ATP1B1: variants seen among roughly 807,000 people sequenced by gnomAD.
The protein encoded by ATP1B1 is ATPase Na+/K+ transporting subunit beta 1.
ATP1B1 carries 3 observed loss-of-function variants against 39.6 expected under a neutral mutation model. That is an observed-to-expected ratio of 0.08 (90% confidence interval 0.03 to 0.20). The LOEUF is 0.20. Among genes scored for constraint, ATP1B1 ranks in the 10% least tolerant of loss-of-function variants. ATP1B1 has a pLI of 1.00. For synonymous variants in ATP1B1, 139 were observed against 135.0 expected (o/e 1.03, Z -0.20); for missense variants, 216 against 371.1 (o/e 0.58, Z 3.43).
intron 2 of ATP1B1, 126 bp from the exon 3 acceptor site, chr1:169,124,758 G>C: frequency 5.8e-6 from 6 of 1,039,342 alleles, no homozygotes; most frequent in Non-Finnish European, 8.4e-6. Context: ...ATTTAACAAG[G>C]GAGGCAAGAC....
chr1:169,123,638 T>TAGATAGATATATATCTATCTA (rs1376784173), intron 2 of ATP1B1, among the ~76,000 whole-genome samples: 6 of 136,888 alleles, frequency 4.4e-5, no homozygotes, highest in Non-Finnish European at 9.1e-5. Flanking sequence ...TATATATAGG[T>TAGATAGATATATATCTATCTA]TTTTTTTTTT....
chr1:169,113,068 ATTC>A (rs377076243), intron 2 of ATP1B1, among the ~76,000 whole-genome samples: 3,729 of 150,946 alleles, frequency 0.025, 157 homozygotes, highest in African/African-American at 0.086. Context: ...TGATTTTATA[ATTC>A]TTTTTTTTTT....
intron 2 of ATP1B1, among the ~76,000 whole-genome samples, chr1:169,123,585 C>A (rs12568462): frequency 0.42 from 57,888 of 137,754 alleles, 11,855 homozygotes; most frequent in Non-Finnish European, 0.5. Flanking sequence ...ATCTCTCTCT[C>A]TATATATATA....
At position 169,127,745 on chromosome 1, in the gene ATP1B1, C is replaced by T. The variant is rs114493393; in HGVS notation, c.567+337C>T. Among the ~76,000 whole-genome samples the T allele has an allele frequency of 3.2e-3, 483 of 151,152 alleles. 2 individuals carry two copies. Among genetic ancestry groups the T allele is most frequent in the African/African-American group, 8.1e-3 (332 of 41,082 alleles). ...TAAAAATGGAAAAATATATTTTTTC[C>T]CTGGTGGTCTAGTGGTTAGAGAAAA... On this transcript the variant is annotated intron_variant, in intron 4 of 5. Coordinates refer to ENST00000367815, the MANE Select transcript of ATP1B1 (RefSeq NM_001677.4).
At chr1:169,114,894 A>T (rs1657808411) in intron 2 of ATP1B1, among the ~76,000 whole-genome samples, 1 of 150,422 alleles carries the variant, frequency 6.6e-6, no homozygotes, top group Non-Finnish European at 1.5e-5. Context: ...GTCTCCTGTT[A>T]AAAAAAAAGG....
At chr1:169,110,288 T>C (rs765960872) in intron 1 of ATP1B1, among the ~76,000 whole-genome samples, 16 of 152,318 alleles carry the variant, frequency 1.1e-4, no homozygotes, top group Non-Finnish European at 1.9e-4. Flanking sequence ...TCAATAATAC[T>C]GTTTTTCAGT....
intron 2 of ATP1B1, among the ~76,000 whole-genome samples, chr1:169,116,461 CAGG>C (rs1657849448): frequency 6.6e-6 from 1 of 152,134 alleles, no homozygotes; most frequent in Admixed American, 6.6e-5. Context: ...CAGAATCGGG[CAGG>C]AGAAGTGGGG....
Position 169,111,386 on chromosome 1 carries a change from C to T in ATP1B1, c.114C>T (p.Phe38=). ...TTCTTGCAGTTAAGATCCTTCTATT[C>T]TACGTAATATTTTATGGCTGCCTGG... ...TGGSWFKILL[F]YVIFYGCLAG... is the part of the protein sequence containing the mutation. The change falls in exon 2 of 6, where the codon TTC becomes TTT. Residue 38 remains phenylalanine (F), a synonymous_variant. Coordinates refer to ENST00000367815, the MANE Select transcript of ATP1B1 (RefSeq NM_001677.4). 1 of 1,614,160 alleles carries T rather than the reference C, an allele frequency of 6.2e-7. No homozygotes were observed. The highest frequency in any genetic ancestry group is 8.5e-7 in the Non-Finnish European group (1 of 1,180,014).
chr1:169,127,879 C>A (rs1375523202), intron 4 of ATP1B1, among the ~76,000 whole-genome samples: 1 of 151,830 alleles, frequency 6.6e-6, no homozygotes, highest in African/African-American at 2.4e-5. Flanking sequence ...AGGAACATTT[C>A]AAAAAAATTG....
chr1:169,130,802 AAAAAATT>A, intron 5 of ATP1B1, among the ~76,000 whole-genome samples: 1 of 147,606 alleles, frequency 6.8e-6, no homozygotes, highest in South Asian at 2.2e-4. Flanking sequence ...AAAAAAAAAA[AAAAAATT>A]GAAAGACTAA....
In ATP1B1 at chr1:169,131,243, G is replaced by A; in HGVS notation, c.649-49G>A. ...TGAGTCTTGTTTTTGAGTACACATA[G>A]TGATGCATGATGTGAGCCATTAAAA... is the stretch of plus-strand genomic sequence containing the variant. On this transcript the variant is annotated intron_variant, in intron 5 of 5. Transcript: ENST00000367815. The surrounding 1 kb of genome is among the most constrained non-coding windows in gnomAD (Gnocchi z 4.4). 2.0e-6 allele frequency: 3 copies of A among 1,532,146 alleles called. No homozygotes were observed. Among genetic ancestry groups the A allele is most frequent in the Non-Finnish European group, 2.6e-6 (3 of 1,135,448 alleles). The allele number at this position is 1,532,146 out of a possible 1,614,324, so 94.9% of individuals were successfully genotyped here.
intron 1 of ATP1B1, among the ~76,000 whole-genome samples, chr1:169,107,489 G>A (rs1199264277): frequency 6.6e-6 from 1 of 152,148 alleles, no homozygotes; most frequent in Non-Finnish European, 1.5e-5. Context: ...GACCTCCCCT[G>A]GAGTCATCAC....
At chr1:169,122,656 TCTG>T (rs1658002971) in intron 2 of ATP1B1, among the ~76,000 whole-genome samples, 2 of 151,694 alleles carry the variant, frequency 1.3e-5, no homozygotes, top group Non-Finnish European at 2.9e-5. Flanking sequence ...ATGAGCAAAT[TCTG>T]CTACTTCCCC....
chr1:169,106,792 ACCCT>A lies in ATP1B1; in HGVS notation c.-35_-32del. 14 of 1,536,720 alleles carry A rather than the reference ACCCT, an allele frequency of 9.1e-6. No homozygotes were observed. Among genetic ancestry groups the A allele is most frequent in the Non-Finnish European group, 1.2e-5 (14 of 1,138,342 alleles). ...GCCAGGGCGCGCGCCGCAGCCACCCACCCTCCGGACCGCGGCAGCTGCTGACCCG... is the reference window on the plus strand; with the variant it reads ...GCCAGGGCGCGCGCCGCAGCCACCCACCGGACCGCGGCAGCTGCTGACCCG... On this transcript the variant is annotated 5_prime_UTR_variant, in exon 1 of 6. Transcript: ENST00000367815.
intron 2 of ATP1B1, among the ~76,000 whole-genome samples, chr1:169,116,166 C>A (rs750486096): frequency 6.6e-6 from 1 of 152,248 alleles, no homozygotes; most frequent in African/African-American, 2.4e-5. Flanking sequence ...TGCCTTGCTG[C>A]CTGCCCAGTG....
intron 2 of ATP1B1, among the ~76,000 whole-genome samples, chr1:169,112,607 G>T (rs576190793): frequency 2.6e-5 from 4 of 152,190 alleles, no homozygotes; most frequent in South Asian, 2.1e-4. Flanking sequence ...CTTTTCCTGC[G>T]TACCTCCTTG....
intron 2 of ATP1B1, among the ~76,000 whole-genome samples, chr1:169,114,417 A>T (rs116237578): frequency 6.6e-6 from 1 of 152,204 alleles, no homozygotes. Context: ...TAATATTATC[A>T]GCTGAATTTG....
chr1:169,119,218 A>G (rs1040500), intron 2 of ATP1B1, among the ~76,000 whole-genome samples: 10,831 of 152,228 alleles, frequency 0.071, 1,302 homozygotes, highest in East Asian at 0.6. Context: ...AAGTTGAAAT[A>G]CTCATTGAAA....
chr1:169,118,762 G>A (rs1434174517), intron 2 of ATP1B1, among the ~76,000 whole-genome samples: 1 of 152,066 alleles, frequency 6.6e-6, no homozygotes. Flanking sequence ...GAATGTATAG[G>A]AGACACATGA....
Sources: allele counts gnomAD v4.1 joint callset (sites outside exome capture counted in the v4.1 genomes callset), GRCh38; gene constraint gnomAD v4.1.1; non-coding constraint Gnocchi (gnomAD v3.1); transcripts MANE v1.5; gene names NCBI Gene and HGNC (gene_info 2026-07-23, HGNC 2026-07-21).